Variants in SLC52A1 observed in about 807,000 individuals in gnomAD.
The protein encoded by SLC52A1 is solute carrier family 52, riboflavin transporter, member 1.
Under a neutral mutation model 23.2 loss-of-function variants are expected in SLC52A1, and 20 were observed. The observed-to-expected ratio is 0.86, with a 90% CI of 0.61 to 1.25. The LOEUF (loss-of-function observed/expected upper bound fraction) is 1.25. Among genes scored for constraint, SLC52A1 ranks in the 50% most tolerant of loss-of-function variants. The pLI, the probability that SLC52A1 is intolerant of heterozygous loss-of-function variation, is 0.00. For synonymous variants in SLC52A1, 260 were observed against 256.6 expected (o/e 1.01, Z -0.13); for missense variants, 528 against 557.0 (o/e 0.95, Z 0.52).
chr17:5,040,463 C>T (rs1008762534), intron 1 of SLC52A1, among the ~76,000 whole-genome samples: 2 of 152,122 alleles, frequency 1.3e-5, no homozygotes, highest in African/African-American at 2.4e-5. Context: ...CATGAACCAC[C>T]GTTCCTAGTC....
upstream of SLC52A1, among the ~76,000 whole-genome samples, chr17:5,040,196 C>T (rs1358112713): frequency 6.6e-6 from 1 of 151,926 alleles, no homozygotes; most frequent in African/African-American, 2.4e-5. Context: ...TTTTTTGAGA[C>T]AGGGTGTTGC....
intron 1 of SLC52A1, among the ~76,000 whole-genome samples, chr17:5,041,075 G>C (rs1479316555): frequency 6.6e-6 from 1 of 151,782 alleles, no homozygotes; most frequent in Non-Finnish European, 1.5e-5. Flanking sequence ...GATTACAGGC[G>C]TGAGCCACCG....
At chr17:5,037,920 T>TC (rs1567736841), upstream of SLC52A1, among the ~76,000 whole-genome samples, 6 of 143,586 alleles carry the variant, frequency 4.2e-5, 1 homozygote, top group Non-Finnish European at 9.2e-5. Flanking sequence ...CTTCCTTTTT[T>TC]TTTTTTTTTT....
rs145524474 is a variant in SLC52A1, at chr17:5,033,874, G to C, written c.615C>G (p.Val205=). The C allele has an allele frequency of 3.1e-6, 5 of 1,614,136 alleles. No individual in the cohort carries two copies. In the African/African-American group the frequency reaches 6.7e-5, roughly 22 times the overall value. ...GACCCCGGAAGGCGGCAGCTGAAGT[G>C]ACCAGAAGGGCAGTCAGTGCCCAGA... ...TFFWALTALL[V]TSAAAFRGLL... is the part of the protein sequence containing the mutation. The change falls in exon 3 of 5, where the codon GTC becomes GTG. Residue 205 remains valine, a synonymous_variant. Transcript: ENST00000254853.
upstream of SLC52A1, among the ~76,000 whole-genome samples, chr17:5,040,257 T>G (rs1975528134): frequency 6.6e-6 from 1 of 152,048 alleles, no homozygotes; most frequent in South Asian, 2.1e-4. Context: ...CACTGCAGCC[T>G]TAAACTCCCA....
chr17:5,041,902 G>A (rs112971421), intron 1 of SLC52A1, among the ~76,000 whole-genome samples: 4,639 of 151,770 alleles, frequency 0.031, 227 homozygotes, highest in African/African-American at 0.11. Context: ...GTGAGCCACC[G>A]CACCCGGCCT....
upstream of SLC52A1, among the ~76,000 whole-genome samples, chr17:5,037,378 G>A (rs999752961): frequency 6.6e-6 from 1 of 152,112 alleles, no homozygotes; most frequent in African/African-American, 2.4e-5. Flanking sequence ...AATTAGCTGG[G>A]TATGGTGGCG....
chr17:5,032,759 C>G lies in SLC52A1; in HGVS notation c.*198G>C. On this transcript the variant is annotated 3_prime_UTR_variant, in exon 5 of 5. Coordinates refer to ENST00000254853, the MANE Select transcript of SLC52A1 (RefSeq NM_017986.4). ...AGGCCCTGGGTCCAAGCCCACAGCC[C>G]CAACCTGTCCCCTGGCTCTGGGCCT... is the stretch of plus-strand genomic sequence containing the variant. The G allele has an allele frequency of 1.7e-6, 1 of 590,902 alleles. No individual in the cohort carries two copies. Among genetic ancestry groups the G allele is most frequent in the Non-Finnish European group, 3.0e-6 (1 of 333,670 alleles). The allele number at this position is 590,902 out of a possible 1,614,324, so 36.6% of individuals were successfully genotyped here. A position where few individuals can be genotyped will look rare whatever the true frequency, so the allele number is the denominator to read the frequency against.
At chr17:5,040,799 C>G (rs1348023531) in intron 1 of SLC52A1, among the ~76,000 whole-genome samples, 1 of 144,204 alleles carries the variant, frequency 6.9e-6, no homozygotes, top group Non-Finnish European at 1.5e-5. Flanking sequence ...CCGAATAGCA[C>G]TTTTTTTTTT....
chr17:5,037,008 A>G (rs542308544), upstream of SLC52A1, among the ~76,000 whole-genome samples: 55 of 151,294 alleles, frequency 3.6e-4, 1 homozygote, highest in Middle Eastern at 0.01. Flanking sequence ...AAATGGTTGG[A>G]AAAAAAAATC....
chr17:5,034,804 C>A, intron 1 of SLC52A1, 57 bp downstream of exon 1: 18 of 445,316 alleles, frequency 4.0e-5, no homozygotes, highest in South Asian at 5.0e-5. Flanking sequence ...AAGACCAGGG[C>A]AACTGGAGGG....
At chr17:5,038,706 C>T (rs1975505952), upstream of SLC52A1, among the ~76,000 whole-genome samples, 1 of 152,022 alleles carries the variant, frequency 6.6e-6, no homozygotes, top group Non-Finnish European at 1.5e-5. Context: ...CCTGCCTCAG[C>T]CTCCTGAGTA....
At chr17:5,035,873 ATTTTTTTTTTTTTT>A (rs71149503), upstream of SLC52A1, among the ~76,000 whole-genome samples, 1 of 45,302 alleles carries the variant, frequency 2.2e-5, no homozygotes, top group Non-Finnish European at 3.5e-5. Flanking sequence ...TGTCCAGCTA[ATTTTTTTTTTTTTT>A]TTTTTTTTTT....
rs766619045 is a variant in SLC52A1 at position 5,033,169 on chromosome 17, C to T, written c.1135G>A (p.Val379Met). ...CACAGACACAGCACCCACGACAGCA[C>T]CTGCAAGGGAGGACACAGCAGCAGG... Reference protein sequence around the residue: ...VGTTAGVVLVVLSWVLCLCVF... With the variant: ...VGTTAGVVLVMLSWVLCLCVF... Residue 379 changes from valine to methionine, a missense_variant and splice_region_variant, in exon 5 of 5, where the codon GTG becomes ATG. Val to Met is a conservative substitution (Grantham distance 21, BLOSUM62 1). Transcript: ENST00000254853. 1.4e-5 allele frequency: 22 copies of T among 1,613,792 alleles called. No individual in the cohort carries two copies. Among genetic ancestry groups the T allele is most frequent in the Admixed American group, 1.7e-5 (1 of 60,000 alleles).
upstream of SLC52A1, among the ~76,000 whole-genome samples, chr17:5,039,465 G>A (rs1254761716): frequency 6.6e-6 from 1 of 152,062 alleles, no homozygotes; most frequent in South Asian, 2.1e-4. Flanking sequence ...CAAACACCCT[G>A]CCACTGCCTA....
chr17:5,033,719 G>C lies in SLC52A1; in HGVS notation c.770C>G (p.Pro257Arg). The change falls in exon 3 of 5, where the codon CCG (proline) becomes CGG (arginine). Residue 257 changes from proline (P) to arginine (R), a missense_variant. Physicochemically the swap from Pro to Arg is moderately radical, Grantham distance 103 (BLOSUM62 -2). Transcript: ENST00000254853. ...EEEALPLQEPPSQAAGTIPGP... is the reference protein window; with the variant it reads ...EEEALPLQEPRSQAAGTIPGP... Reference sequence around the variant, plus strand: ...AGGGATGGTGCCTGCTGCCTGGCTCGGTGGCTCCTGCAATGGCAAAGCCTC... The same window carrying C: ...AGGGATGGTGCCTGCTGCCTGGCTCCGTGGCTCCTGCAATGGCAAAGCCTC... The C allele has an allele frequency of 6.2e-7, 1 of 1,614,076 alleles. No individual in the cohort carries two copies. Among genetic ancestry groups the C allele is most frequent in the Non-Finnish European group, 8.5e-7 (1 of 1,180,046 alleles).
At position 5,034,335 on chromosome 17, in the gene SLC52A1, A is replaced by C. The variant is rs1975406676; in HGVS notation, c.154T>G (p.Ser52Ala). 6.3e-7 allele frequency: 1 copy of C among 1,586,074 alleles called. No individual in the cohort carries two copies. Among genetic ancestry groups the C allele is most frequent in the Non-Finnish European group, 8.6e-7 (1 of 1,166,178 alleles). Residue 52 changes from serine (S) to alanine (A), a missense_variant, in exon 3 of 5, where the codon TCT becomes GCT. Coordinates refer to ENST00000254853, the MANE Select transcript of SLC52A1 (RefSeq NM_017986.4). ...PEGWSLPSYL[S>A]VVVALGNLGL... Reference sequence around the variant, plus strand: ...AGGTTTCCCAGCGCCACAACCACAGAGAGGTATGAGGGGAGGCTCCAACCT... The same window carrying C: ...AGGTTTCCCAGCGCCACAACCACAGCGAGGTATGAGGGGAGGCTCCAACCT...
In SLC52A1 at chr17:5,032,651, C is replaced by T. The variant is rs1975339048; in HGVS notation, c.*306G>A. On this transcript the variant is annotated 3_prime_UTR_variant, in exon 5 of 5. Transcript: ENST00000254853. The stretch of plus-strand genomic sequence containing the variant: ...AGTTTCCTGATTTCATTATATATTT[C>T]TTATAAGGTTTTCATTAGGCTTTTG... 1 of 288,598 alleles carries T rather than the reference C, an allele frequency of 3.5e-6. No individual in the cohort carries two copies. Among genetic ancestry groups the T allele is most frequent in the Non-Finnish European group, 6.5e-6 (1 of 153,658 alleles). The allele number at this position is 288,598 out of a possible 1,614,324, so 17.9% of individuals were successfully genotyped here.
intron 3 of SLC52A1, 47 bp from the exon 4 acceptor site, chr17:5,033,431 G>A: frequency 1.2e-6 from 2 of 1,611,676 alleles, no homozygotes; most frequent in Non-Finnish European, 1.7e-6. Context: ...CTGGGACCTG[G>A]ACCCCAACCT....
Sources: gnomAD v4.1 joint callset for allele counts (sites outside exome capture counted in the v4.1 genomes callset) on GRCh38, gnomAD v4.1.1 for gene constraint, MANE v1.5 for transcripts, NCBI Gene and HGNC (gene_info 2026-07-23, HGNC 2026-07-21) for gene names.